Variants in PCYT1A observed in about 807,000 individuals in gnomAD.
The protein encoded by PCYT1A is choline-phosphate cytidylyltransferase A.
A neutral mutation model predicts 43.7 loss-of-function variants in PCYT1A; 25 were observed. That is an observed-to-expected ratio of 0.57 (90% CI 0.42 to 0.80). PCYT1A has a LOEUF of 0.80. Among genes scored for constraint, PCYT1A ranks in the 30% least tolerant of loss-of-function variants. The pLI is 0.00. For synonymous variants in PCYT1A, 172 were observed against 170.7 expected, an observed-to-expected ratio of 1.01 and a Z score of -0.06; for missense variants, 421 against 474.2, an observed-to-expected ratio of 0.89 and a Z score of 1.04.
Position 196,268,522 on chromosome 3 carries a change from G to A in PCYT1A, c.117+1893C>T, listed in dbSNP as rs898880383. ...CTGCAGGCCAGGCACAGTGGCTCACGCCTGGTAATCCTAGCACTCTGGGAG... is the reference window on the plus strand; with the variant it reads ...CTGCAGGCCAGGCACAGTGGCTCACACCTGGTAATCCTAGCACTCTGGGAG... On this transcript the variant is annotated intron_variant, in intron 2 of 8. Coordinates refer to ENST00000431016, the MANE Select transcript of PCYT1A (RefSeq NM_001312673.2). This position sits in a 1 kb window ranked among gnomAD's most constrained non-coding sequence, Gnocchi z 4.4. Among the ~76,000 whole-genome samples the A allele has an allele frequency of 6.6e-6, 1 of 152,084 alleles. No individual in the cohort carries two copies. The highest frequency in any genetic ancestry group is 1.5e-5 in the Non-Finnish European group (1 of 68,020).
At chr3:196,274,235 C>T (rs1725523186) in intron 1 of PCYT1A, among the ~76,000 whole-genome samples, 1 of 152,218 alleles carries the variant, frequency 6.6e-6, no homozygotes, top group African/African-American at 2.4e-5. Context: ...CCCCCAAAAG[C>T]ACAGGGAAGC....
intron 7 of PCYT1A, 147 bp from the exon 8 acceptor site, chr3:196,239,882 A>AT: frequency 3.2e-6 from 2 of 617,002 alleles, no homozygotes; most frequent in East Asian, 5.3e-5. Flanking sequence ...CACTCTCAGC[A>AT]TAATAACAGA....
chr3:196,238,670 G>C lies in PCYT1A; in HGVS notation c.*18C>G. 1 of 1,467,118 alleles carries C rather than the reference G, an allele frequency of 6.8e-7. No individual in the cohort carries two copies. The highest frequency in any genetic ancestry group is 9.1e-7 in the Non-Finnish European group (1 of 1,095,352). The allele number at this position is 1,467,118 out of a possible 1,614,324, so 90.9% of individuals were successfully genotyped here. ...GTAATGGGACAGAAAGGGAGGACAGGAAAGGAGGGAGGAAACATTAGTCTT... is the reference window on the plus strand; with the variant it reads ...GTAATGGGACAGAAAGGGAGGACAGCAAAGGAGGGAGGAAACATTAGTCTT... On this transcript the variant is annotated 3_prime_UTR_variant, in exon 9 of 9. Transcript: ENST00000431016.
Position 196,242,872 on chromosome 3 carries a change from A to C in PCYT1A, c.487-232T>G. On this transcript the variant is annotated intron_variant, in intron 5 of 8. Coordinates refer to ENST00000431016, the MANE Select transcript of PCYT1A (RefSeq NM_001312673.2). The surrounding 1 kb of genome is among the most constrained non-coding windows in gnomAD (Gnocchi z 4.2). ...AGCTGCTTTTGTAGCTATTTCTCCT[A>C]GTCTGCTAGAACTGTTACCCTCACT... 1.8e-6 allele frequency: 1 copy of C among 550,410 alleles called. No homozygotes were observed. The highest frequency in any genetic ancestry group is 2.0e-5 in the South Asian group (1 of 49,006). 34.1% of individuals were successfully genotyped at this position (550,410 alleles called of 1,614,324 possible). A position where few individuals can be genotyped will look rare whatever the true frequency, so the allele number is the denominator to read the frequency against.
intron 2 of PCYT1A, among the ~76,000 whole-genome samples, chr3:196,262,604 T>C (rs1308037560): frequency 6.6e-6 from 1 of 152,180 alleles, no homozygotes; most frequent in African/African-American, 2.4e-5. Flanking sequence ...CTGAATGCAA[T>C]ATTGCTTCCA....
chr3:196,256,640 C>T (rs1296954840), intron 3 of PCYT1A, among the ~76,000 whole-genome samples: 2 of 151,964 alleles, frequency 1.3e-5, no homozygotes, highest in South Asian at 2.1e-4. Context: ...CCCAGGTTCA[C>T]ATAATTCTCG....
intron 3 of PCYT1A, among the ~76,000 whole-genome samples, chr3:196,254,989 T>A (rs74423791): frequency 0.23 from 35,589 of 151,958 alleles, 5,753 homozygotes; most frequent in East Asian, 0.76. Flanking sequence ...TCTCAAATCA[T>A]ATTTGTTTTT....
Position 196,247,709 on chromosome 3 carries a change from A to T in PCYT1A, c.335-191T>A, listed in dbSNP as rs551527723. 54 of 695,262 alleles carry T rather than the reference A, an allele frequency of 7.8e-5. No individual in the cohort carries two copies. The highest frequency in any genetic ancestry group is 1.2e-4 in the Non-Finnish European group (45 of 380,342). The allele number at this position is 695,262 out of a possible 1,614,324, so 43.1% of individuals were successfully genotyped here. A position where few individuals can be genotyped will look rare whatever the true frequency, so the allele number is the denominator to read the frequency against. ...AATGCAGCGTATACCTTCAGGAGCA[A>T]CACTCACTAAACAGTATGTTCATAC... On this transcript the variant is annotated intron_variant, in intron 4 of 8. Coordinates refer to ENST00000431016, the MANE Select transcript of PCYT1A (RefSeq NM_001312673.2). The surrounding 1 kb of genome is among the most constrained non-coding windows in gnomAD (Gnocchi z 4.8).
At chr3:196,258,712 C>A (rs1250910577) in intron 2 of PCYT1A, among the ~76,000 whole-genome samples, 1 of 151,924 alleles carries the variant, frequency 6.6e-6, no homozygotes, top group South Asian at 2.1e-4. Flanking sequence ...CTCAGCCTCC[C>A]GAGTAGCTGG....
intron 7 of PCYT1A, chr3:196,241,392 C>T (rs1010855408): frequency 2.1e-6 from 1 of 487,078 alleles, no homozygotes; most frequent in Non-Finnish European, 3.5e-6. Flanking sequence ...CGCTATGTTG[C>T]CCCCAGACTG....
rs569093169 is a variant in PCYT1A, at chr3:196,247,475, C to T, written c.378G>A (p.Val126=). 11 of 1,614,180 alleles carry T rather than the reference C, an allele frequency of 6.8e-6. No individual in the cohort carries two copies. Among genetic ancestry groups the T allele is most frequent in the Non-Finnish European group, 9.3e-6 (11 of 1,180,006 alleles). ...CGTCATAGCGCTCATTCTCGTTCAT[C>T]ACCGTGAAGCCTTTGAAGTTGTGTG... is the stretch of plus-strand genomic sequence containing the variant. ...ELTHNFKGFT[V]MNENERYDAV... The change falls in exon 5 of 9, where the codon GTG becomes GTA. Residue 126 remains valine, a synonymous_variant. Coordinates refer to ENST00000431016, the MANE Select transcript of PCYT1A (RefSeq NM_001312673.2). This position sits in a 1 kb window ranked among gnomAD's most constrained non-coding sequence, Gnocchi z 4.8.
chr3:196,284,422 T>C (rs1725848635), intron 1 of PCYT1A, among the ~76,000 whole-genome samples: 1 of 152,230 alleles, frequency 6.6e-6, no homozygotes. Flanking sequence ...TAAGTTCACA[T>C]ATATTTCAGA....
In PCYT1A at chr3:196,254,066, G is replaced by A. The variant is rs187759033; in HGVS notation, c.217+3722C>T. On this transcript the variant is annotated intron_variant, in intron 3 of 8. Transcript: ENST00000431016. ...TTTTGAGACGGAGTCTCACTCTGTC[G>A]CCCAGGCTAGAGTGCAGTGACGTGA... 6.1e-5 allele frequency among the ~76,000 whole-genome samples: 9 copies of A among 148,340 alleles called. No individual in the cohort carries two copies. The South Asian group carries it at 1.1e-3, about 17-fold the overall frequency.
At chr3:196,241,336 A>G (rs920100539) in intron 7 of PCYT1A, 25 of 155,012 alleles carry the variant, frequency 1.6e-4, no homozygotes, top group Admixed American at 5.9e-4. Context: ...ATTTGCATGA[A>G]TTTTTTTAGT....
chr3:196,256,600 C>CA (rs1235007180), intron 3 of PCYT1A, among the ~76,000 whole-genome samples: 1 of 152,126 alleles, frequency 6.6e-6, no homozygotes, highest in Non-Finnish European at 1.5e-5. Context: ...AGTACAGTGG[C>CA]ATGATCTCAG....
intron 3 of PCYT1A, among the ~76,000 whole-genome samples, chr3:196,251,997 C>T (rs976529008): frequency 6.6e-6 from 1 of 152,174 alleles, no homozygotes. Flanking sequence ...GAAACCTCCA[C>T]CTCCCAGGCT....
rs1724251421 is a variant in PCYT1A at position 196,238,692 on chromosome 3, T to C, written c.1100A>G (p.Asp367Gly). The change falls in exon 9 of 9, where the codon GAC (aspartate) becomes GGC (glycine). Residue 367 changes from aspartate (D) to glycine (G), a missense_variant. This residue lies in a region of PCYT1A where 108 missense variants were observed against 85.7 expected (regional missense o/e 1.26). Coordinates refer to ENST00000431016, the MANE Select transcript of PCYT1A (RefSeq NM_001312673.2). ...CAGGAAAGGAGGGAGGAAACATTAG[T>C]CTTCTTCATCCTCACTGATATCATA... ...AAYDISEDEE[D>G] is the part of the protein sequence containing the mutation. The C allele has an allele frequency of 6.6e-7, 1 of 1,523,322 alleles. No homozygotes were observed. Among genetic ancestry groups the C allele is most frequent in the Admixed American group, 2.1e-5 (1 of 47,036 alleles). 94.4% of individuals were successfully genotyped at this position (1,523,322 alleles called of 1,614,324 possible). A position where few individuals can be genotyped will look rare whatever the true frequency, so the allele number is the denominator to read the frequency against.
intron 2 of PCYT1A, among the ~76,000 whole-genome samples, chr3:196,260,742 T>A (rs1725084919): frequency 6.6e-6 from 1 of 152,180 alleles, no homozygotes; most frequent in Admixed American, 6.5e-5. Context: ...CTTGGGAGGC[T>A]GAGGCAGAAG....
intron 1 of PCYT1A, among the ~76,000 whole-genome samples, chr3:196,281,752 C>T (rs1207128919): frequency 2.0e-5 from 3 of 152,166 alleles, no homozygotes; most frequent in African/African-American, 7.2e-5. Flanking sequence ...ATTTCGAGTA[C>T]AGTGGTGCAA....
Sources: gnomAD v4.1 joint callset for allele counts (sites outside exome capture counted in the v4.1 genomes callset) on GRCh38, gnomAD v4.1.1 for gene constraint, gnomAD v4.1.1 regional missense constraint, Gnocchi (gnomAD v3.1) non-coding constraint, MANE v1.5 for transcripts, NCBI Gene and HGNC (gene_info 2026-07-23, HGNC 2026-07-21) for gene names.